PDE4D: variants seen among roughly 807,000 people sequenced by gnomAD.
PDE4D encodes the protein 3',5'-cyclic-AMP phosphodiesterase 4D.
PDE4D carries 24 observed loss-of-function variants against 87.4 expected under a neutral mutation model. The observed-to-expected ratio is 0.27, with a 90% CI of 0.20 to 0.39. The LOEUF (loss-of-function observed/expected upper bound fraction) is 0.39. PDE4D is among the 10% of genes least tolerant of loss of function. PDE4D has a pLI of 1.00. For synonymous variants in PDE4D, 384 were observed against 383.2 expected (o/e 1.00, Z -0.02); for missense variants, 714 against 1,041.0 (o/e 0.69, Z 4.32).
At chr5:60,302,381 C>G (rs1753979380) in intron 1 of PDE4D, among the ~76,000 whole-genome samples, 1 of 152,064 alleles carries the variant, frequency 6.6e-6, no homozygotes, top group South Asian at 2.1e-4. Flanking sequence ...TCAATTTCTT[C>G]CTGGTTCAGT....
chr5:60,022,212 C>T (rs1192246897), intron 2 of PDE4D, among the ~76,000 whole-genome samples: 1 of 152,158 alleles, frequency 6.6e-6, no homozygotes, highest in Non-Finnish European at 1.5e-5. Context: ...TAAAAGAGCT[C>T]CTTTTCCAAA....
At chr5:59,379,732 G>A (rs543909436) in intron 1 of PDE4D, among the ~76,000 whole-genome samples, 92 of 151,918 alleles carry the variant, frequency 6.1e-4, no homozygotes, top group Middle Eastern at 3.4e-3. Flanking sequence ...GTATTTTTAC[G>A]GTGAATATCT....
intron 1 of PDE4D, among the ~76,000 whole-genome samples, chr5:60,290,741 G>A (rs971027324): frequency 6.6e-6 from 1 of 152,198 alleles, no homozygotes; most frequent in Non-Finnish European, 1.5e-5. Flanking sequence ...GGGAAATGGA[G>A]GCTGCAGTGA....
intron 1 of PDE4D, among the ~76,000 whole-genome samples, chr5:60,469,008 T>G (rs764508460): frequency 1.3e-5 from 2 of 152,186 alleles, no homozygotes; most frequent in Non-Finnish European, 2.9e-5. Context: ...ACAGATCATT[T>G]CTTTACCCTG....
chr5:60,040,581 T>C (rs983662163), intron 2 of PDE4D, among the ~76,000 whole-genome samples: 1 of 152,226 alleles, frequency 6.6e-6, no homozygotes, highest in Non-Finnish European at 1.5e-5. Flanking sequence ...ATGGAAATTA[T>C]TTCCATGTTC....
At chr5:59,679,092 C>T (rs900756568) in intron 1 of PDE4D, among the ~76,000 whole-genome samples, 1 of 152,104 alleles carries the variant, frequency 6.6e-6, no homozygotes, top group African/African-American at 2.4e-5. Context: ...TGGCAAAAGG[C>T]AATTATAATA....
At chr5:59,115,548 T>G (rs1299965359) in intron 5 of PDE4D, among the ~76,000 whole-genome samples, 5 of 152,182 alleles carry the variant, frequency 3.3e-5, no homozygotes, top group Non-Finnish European at 7.3e-5. Context: ...AATATGAACA[T>G]ACATTTCTCT....
At chr5:60,412,416 T>C (rs934583685) in intron 1 of PDE4D, among the ~76,000 whole-genome samples, 14 of 152,194 alleles carry the variant, frequency 9.2e-5, no homozygotes, top group Non-Finnish European at 1.9e-4. Context: ...TCTGGAGGTA[T>C]TTGGGCAGTC....
intron 1 of PDE4D, among the ~76,000 whole-genome samples, chr5:60,328,282 C>A (rs1756987052): frequency 6.6e-6 from 1 of 152,238 alleles, no homozygotes; most frequent in Middle Eastern, 3.4e-3. Context: ...AAGTTTTGGT[C>A]ACCTTTCTGA....
intron 1 of PDE4D, among the ~76,000 whole-genome samples, chr5:60,206,819 T>A (rs1230170701): frequency 6.6e-6 from 1 of 152,238 alleles, no homozygotes; most frequent in African/African-American, 2.4e-5. Flanking sequence ...CTACAAAGTA[T>A]AGGCGGGAAA....
chr5:59,619,557 A>G (rs1261712969), intron 1 of PDE4D, among the ~76,000 whole-genome samples: 1 of 152,226 alleles, frequency 6.6e-6, no homozygotes, highest in Admixed American at 6.5e-5. Context: ...ATTCTGATGC[A>G]TAGCCATGGC....
At chr5:59,654,897 A>C (rs1228131786) in intron 1 of PDE4D, among the ~76,000 whole-genome samples, 2 of 152,130 alleles carry the variant, frequency 1.3e-5, no homozygotes, top group African/African-American at 2.4e-5. Flanking sequence ...TTGATACTGA[A>C]TTCTTTATTG....
At chr5:59,851,333 C>A (rs985742027) in intron 1 of PDE4D, among the ~76,000 whole-genome samples, 1 of 151,974 alleles carries the variant, frequency 6.6e-6, no homozygotes, top group African/African-American at 2.4e-5. Flanking sequence ...CTTCTGAATT[C>A]TTGACCCATA....
chr5:60,228,915 T>A (rs768177816), intron 1 of PDE4D, among the ~76,000 whole-genome samples: 2 of 152,026 alleles, frequency 1.3e-5, no homozygotes, highest in African/African-American at 4.8e-5. Flanking sequence ...GCTGGGCCCA[T>A]GTCAGATTAA....
intron 2 of PDE4D, among the ~76,000 whole-genome samples, chr5:60,127,848 C>A (rs993426327): frequency 1.3e-5 from 2 of 151,956 alleles, no homozygotes; most frequent in Admixed American, 6.6e-5. Flanking sequence ...TATAAGTGAT[C>A]ATTGAAATCA....
chr5:59,342,600 G>A (rs1263521302), intron 1 of PDE4D, among the ~76,000 whole-genome samples: 4 of 152,038 alleles, frequency 2.6e-5, no homozygotes, highest in Admixed American at 2.0e-4. Context: ...AGTTTAAATT[G>A]TTGACAATTA....
intron 1 of PDE4D, among the ~76,000 whole-genome samples, chr5:60,215,346 T>A (rs1478656831): frequency 1.3e-5 from 2 of 152,122 alleles, no homozygotes; most frequent in African/African-American, 4.8e-5. Flanking sequence ...TGCAATGGGA[T>A]AAAAAACTAT....
chr5:59,783,441 G>A (rs1764820828), intron 1 of PDE4D, among the ~76,000 whole-genome samples: 2 of 152,288 alleles, frequency 1.3e-5, no homozygotes, highest in South Asian at 4.1e-4. Context: ...AATAAAAAAT[G>A]AGCATCTGTC....
Position 60,163,097 on chromosome 5 carries a change from A to G in PDE4D, c.42+22460T>C, listed in dbSNP as rs113464194. Reference sequence around the variant, plus strand: ...AAAACTCAAGGTCATTTTGAGGGAAAGAAAAAGAGGTATATGGGCTTATGC... The same window carrying G: ...AAAACTCAAGGTCATTTTGAGGGAAGGAAAAAGAGGTATATGGGCTTATGC... On this transcript the variant is annotated intron_variant, in intron 2 of 16. Transcript: ENST00000502484. 4.0e-4 allele frequency among the ~76,000 whole-genome samples: 60 copies of G among 151,806 alleles called. 2 individuals are homozygous for G. Among genetic ancestry groups the G allele is most frequent in the African/African-American group, 1.4e-3 (58 of 41,518 alleles).
Sources: allele counts gnomAD v4.1 joint callset (sites outside exome capture counted in the v4.1 genomes callset), GRCh38; gene constraint gnomAD v4.1.1; transcripts MANE v1.5; gene names NCBI Gene and HGNC (gene_info 2026-07-23, HGNC 2026-07-21).